Variants in TRIM29 observed in about 807,000 individuals in gnomAD.
TRIM29 encodes the protein tripartite motif containing 29.
TRIM29 carries 52 observed loss-of-function variants against 57.3 expected under a neutral mutation model. That is an observed-to-expected ratio of 0.91 (90% confidence interval 0.73 to 1.14). The LOEUF is 1.14. Ranked by LOEUF, TRIM29 falls within the 50% of genes most tolerant of loss-of-function variation. The pLI, the probability that TRIM29 is intolerant of heterozygous loss-of-function variation, is 0.00. For missense variants in TRIM29, 753 were observed against 774.6 expected (o/e 0.97, Z 0.33); for synonymous variants, 319 against 316.9 (o/e 1.01, Z -0.07).
intron 3 of TRIM29, 130 bp downstream of exon 3, chr11:120,127,206 C>CTGGA (rs1195303111): frequency 1.3e-6 from 1 of 746,394 alleles, no homozygotes; most frequent in Non-Finnish European, 2.2e-6. Context: ...GGTTGGATGG[C>CTGGA]TGGATGGTGG....
Position 120,128,736 on chromosome 11 carries a change from G to T in TRIM29, c.805-241C>A, listed in dbSNP as rs1006537908. 1.5e-5 allele frequency: 23 copies of T among 1,535,396 alleles called. No individual in the cohort carries two copies. The African/African-American group carries it at 2.6e-4, about 17-fold the overall frequency. ...CTGTATTCTCAGGCCACTAGGGCTG[G>T]ATATCCTAGCCATGTCTTTTTAAGG... On this transcript the variant is annotated intron_variant, in intron 1 of 8. Coordinates refer to ENST00000341846, the MANE Select transcript of TRIM29 (RefSeq NM_012101.4).
At chr11:120,126,956 G>A (rs1192504117) in intron 3 of TRIM29, among the ~76,000 whole-genome samples, 1 of 152,104 alleles carries the variant, frequency 6.6e-6, no homozygotes, top group African/African-American at 2.4e-5. Context: ...TGGATGAATA[G>A]ACAAACGGAC....
chr11:120,129,411 G>T (rs2135021241), intron 1 of TRIM29, among the ~76,000 whole-genome samples: 1 of 152,282 alleles, frequency 6.6e-6, no homozygotes, highest in African/African-American at 2.4e-5. Context: ...ATAGGTGGAT[G>T]ATCTCCACCT....
intron 1 of TRIM29, among the ~76,000 whole-genome samples, chr11:120,130,706 G>A (rs1375326779): frequency 2.0e-5 from 3 of 152,224 alleles, no homozygotes; most frequent in Non-Finnish European, 4.4e-5. Context: ...TCTGAGCAAT[G>A]GTTCCCATCA....
Position 120,112,129 on chromosome 11 carries a change from G to T in TRIM29, c.*285C>A. On this transcript the variant is annotated 3_prime_UTR_variant, in exon 9 of 9. Coordinates refer to ENST00000341846, the MANE Select transcript of TRIM29 (RefSeq NM_012101.4). The stretch of plus-strand genomic sequence containing the variant: ...CGAGAGGAGGAGGCTGGCGGGTTAG[G>T]GCAGGCCCCAACCTATCTCACCCCT... The T allele has an allele frequency of 2.5e-6, 1 of 405,444 alleles. No homozygotes were observed. Among genetic ancestry groups the T allele is most frequent in the Non-Finnish European group, 4.5e-6 (1 of 220,868 alleles). The allele number at this position is 405,444 out of a possible 1,614,324, so 25.1% of individuals were successfully genotyped here.
rs543663988 is a variant in TRIM29, at chr11:120,112,731, G to T, written c.1705-255C>A. ...TGGGTGAGCTTGAACCTCAGCCCCC[G>T]CATTACACTGGTCGAAATTTCTCTC... On this transcript the variant is annotated intron_variant, in intron 8 of 8. Coordinates refer to ENST00000341846, the MANE Select transcript of TRIM29 (RefSeq NM_012101.4). 2.6e-5 allele frequency among the ~76,000 whole-genome samples: 4 copies of T among 152,156 alleles called. No homozygotes were observed. In the South Asian group the frequency reaches 8.3e-4, roughly 32 times the overall value.
rs751309156 is a variant in TRIM29, at chr11:120,123,471, C to G, written c.1334-416G>C. The G allele has an allele frequency of 2.4e-5, 11 of 457,674 alleles. 1 individual carries two copies. The Middle Eastern group carries it at 9.7e-4, about 40-fold the overall frequency. The allele number at this position is 457,674 out of a possible 1,614,324, so 28.4% of individuals were successfully genotyped here. ...GCCCAATGTCACATGCCGATAAGGG[C>G]AGAGTTGGGGATTGAGCTCTGGCTC... is the stretch of plus-strand genomic sequence containing the variant. On this transcript the variant is annotated intron_variant, in intron 4 of 8. Transcript: ENST00000341846.
chr11:120,125,861 G>A lies in TRIM29; in HGVS notation c.1163C>T (p.Ser388Phe). The change falls in exon 4 of 9, where the codon TCT (serine) becomes TTT (phenylalanine). Residue 388 changes from serine to phenylalanine, a missense_variant. By Grantham distance (155) the Ser-to-Phe change is radical. Transcript: ENST00000341846. ...ATAGGTGGGCAGGGGTGGGGGGAGA[G>A]AGTAATTGCTCATCAATGCACCAAA... ...QEFGALMSNY[S>F]LPPPLPTYHV... The A allele has an allele frequency of 6.2e-7, 1 of 1,613,924 alleles. No individual in the cohort carries two copies. Among genetic ancestry groups the A allele is most frequent in the Admixed American group, 1.7e-5 (1 of 60,022 alleles).
At chr11:120,128,304 G>T in intron 2 of TRIM29, 96 bp downstream of exon 2, 1 of 997,326 alleles carries the variant, frequency 1.0e-6, no homozygotes, top group Non-Finnish European at 1.5e-6. Flanking sequence ...GGATGTCTAC[G>T]TGGGCCTGGG....
chr11:120,128,866 G>A, intron 1 of TRIM29: 1 of 1,484,958 alleles, frequency 6.7e-7, no homozygotes, highest in Non-Finnish European at 8.9e-7. Flanking sequence ...GAAGAGAAAG[G>A]AAGGGGATCC....
Position 120,115,409 on chromosome 11 carries a change from G to C in TRIM29, c.1633C>G (p.Pro545Ala), listed in dbSNP as rs1206492792. Residue 545 changes from proline (P) to alanine (A), a missense_variant, in exon 8 of 9, where the codon CCC becomes GCC. Coordinates refer to ENST00000341846, the MANE Select transcript of TRIM29 (RefSeq NM_012101.4). ...GGGCTTTGGCTCCGCATGAGGGAGGGATAGCCTGGGAAGACAAGAGATTCA... is the reference window on the plus strand; with the variant it reads ...GGGCTTTGGCTCCGCATGAGGGAGGCATAGCCTGGGAAGACAAGAGATTCA... ...GSSSFSLKGY[P>A]SLMRSQSPKA... is the part of the protein sequence containing the mutation. 6.2e-7 allele frequency: 1 copy of C among 1,613,470 alleles called. No homozygotes were observed.
chr11:120,123,116 G>A, intron 4 of TRIM29, 61 bp from the exon 5 acceptor site: 1 of 1,437,646 alleles, frequency 7.0e-7, no homozygotes, highest in Non-Finnish European at 9.8e-7. Flanking sequence ...CCAGCCACTG[G>A]GGACTTTTGG....
rs779413034 is a variant in TRIM29 at position 120,125,677 on chromosome 11, G to T, written c.1333+14C>A. On this transcript the variant is annotated intron_variant, in intron 4 of 8. Transcript: ENST00000341846. Reference sequence around the variant, plus strand: ...GTCTATGGCCTTGGGGCCCAGCCACGAGAGGGGACCTACCGTTCTCCATGT... The same window carrying T: ...GTCTATGGCCTTGGGGCCCAGCCACTAGAGGGGACCTACCGTTCTCCATGT... 5 of 1,613,942 alleles carry T rather than the reference G, an allele frequency of 3.1e-6. No homozygotes were observed. The South Asian group carries it at 5.5e-5, about 18-fold the overall frequency.
chr11:120,127,322 G>C lies in TRIM29; in HGVS notation c.1134+14C>G. 6.2e-7 allele frequency: 1 copy of C among 1,611,334 alleles called. No individual in the cohort carries two copies. Among genetic ancestry groups the C allele is most frequent in the Non-Finnish European group, 8.5e-7 (1 of 1,177,808 alleles). ...GAAATCGAGGGCTTGAGTGACAGAG[G>C]AGTGGCTTGTTACCTGCAGAAACAA... On this transcript the variant is annotated intron_variant, in intron 3 of 8. Transcript: ENST00000341846.
Position 120,112,258 on chromosome 11 carries a change from C to A in TRIM29, c.*156G>T. 1 of 766,658 alleles carries A rather than the reference C, an allele frequency of 1.3e-6. No homozygotes were observed. The highest frequency in any genetic ancestry group is 2.1e-6 in the Non-Finnish European group (1 of 478,250). The allele number at this position is 766,658 out of a possible 1,614,324, so 47.5% of individuals were successfully genotyped here. On this transcript the variant is annotated 3_prime_UTR_variant, in exon 9 of 9. Coordinates refer to ENST00000341846, the MANE Select transcript of TRIM29 (RefSeq NM_012101.4). ...GTGGCCAGTGGGGAAGTCGGAGAGG[C>A]CGGAACTGCCCCCAAGAGGCTGGCA...
At chr11:120,136,477 A>G (rs1201704118) in intron 1 of TRIM29, among the ~76,000 whole-genome samples, 1 of 152,224 alleles carries the variant, frequency 6.6e-6, no homozygotes, top group Non-Finnish European at 1.5e-5. Context: ...CGTACACGCC[A>G]TCCACACACA....
Position 120,123,038 on chromosome 11 carries a change from C to G in TRIM29, c.1351G>C (p.Val451Leu), listed in dbSNP as rs201781459. Residue 451 changes from valine to leucine, a missense_variant, in exon 5 of 9, where the codon GTG becomes CTG. Physicochemically the swap from Val to Leu is conservative, Grantham distance 32. Transcript: ENST00000341846. ...HMENGGDHRY[V>L]NNYTNSFGGE... is the part of the protein sequence containing the mutation. ...CCGAAGCTGTTCGTGTAGTTGTTCACATAGCGATGGTCACCACCTAGGAAG... is the reference window on the plus strand; with the variant it reads ...CCGAAGCTGTTCGTGTAGTTGTTCAGATAGCGATGGTCACCACCTAGGAAG... 1.2e-5 allele frequency: 19 copies of G among 1,614,108 alleles called. No individual in the cohort carries two copies. The African/African-American group carries it at 2.5e-4, about 22-fold the overall frequency.
At chr11:120,120,424 C>A in intron 6 of TRIM29, 149 bp downstream of exon 6, 1 of 684,596 alleles carries the variant, frequency 1.5e-6, no homozygotes, top group South Asian at 1.9e-5. Flanking sequence ...CCCTCCCTAC[C>A]CATGCCTGGA....
At position 120,128,503 on chromosome 11, in the gene TRIM29, G is replaced by T; in HGVS notation, c.805-8C>A. ...TTGCAATGACAGCTCCGTCTGCAGA[G>T]AAAGAGCCAGGATTGGAGAAGTCAG... On this transcript the variant is annotated splice_region_variant and splice_polypyrimidine_tract_variant and intron_variant, in intron 1 of 8. Coordinates refer to ENST00000341846, the MANE Select transcript of TRIM29 (RefSeq NM_012101.4). The T allele has an allele frequency of 1.2e-6, 2 of 1,607,662 alleles. No individual in the cohort carries two copies. Among genetic ancestry groups the T allele is most frequent in the Non-Finnish European group, 8.5e-7 (1 of 1,179,566 alleles).
Sources: gnomAD v4.1 joint callset for allele counts (sites outside exome capture counted in the v4.1 genomes callset) on GRCh38, gnomAD v4.1.1 for gene constraint, MANE v1.5 for transcripts, NCBI Gene and HGNC (gene_info 2026-07-23, HGNC 2026-07-21) for gene names.